PAK1: variants seen among roughly 807,000 people sequenced by gnomAD.
PAK1 encodes the protein p21 (RAC1) activated kinase 1.
In PAK1, 29 loss-of-function variants were observed where a neutral mutation model predicts 67.4. That is an observed-to-expected ratio of 0.43 (90% confidence interval 0.32 to 0.59). The LOEUF is 0.59. Ranked by LOEUF, PAK1 falls within the 20% of genes least tolerant of loss-of-function variation. The pLI is 0.07. For synonymous variants in PAK1, 223 were observed against 237.4 expected (o/e 0.94, Z 0.56); for missense variants, 337 against 670.7 (o/e 0.50, Z 5.50).
chr11:77,377,600 G>A (rs1350597626), intron 4 of PAK1, among the ~76,000 whole-genome samples: 1 of 152,144 alleles, frequency 6.6e-6, no homozygotes, highest in Non-Finnish European at 1.5e-5. Flanking sequence ...GAATACCTGA[G>A]TGGACTTTAT....
chr11:77,371,421 T>G lies in PAK1; in HGVS notation c.477+2907A>C, dbSNP rs556373912. On this transcript the variant is annotated intron_variant, in intron 5 of 14. Transcript: ENST00000356341. ...TTTTTTTTCTCAAGGATTAAGACAG[T>G]GCACGTTCATTTTTGTGTCACTTGT... 2.6e-5 allele frequency among the ~76,000 whole-genome samples: 4 copies of G among 152,274 alleles called. No homozygotes were observed. In the South Asian group the frequency reaches 8.3e-4, roughly 32 times the overall value.
rs565989823 is a variant in PAK1 at position 77,364,133 on chromosome 11, G to C, written c.478-5116C>G. 1.8e-4 allele frequency among the ~76,000 whole-genome samples: 28 copies of C among 152,332 alleles called. 1 individual carries two copies. Among genetic ancestry groups the C allele is most frequent in the African/African-American group, 6.7e-4 (28 of 41,568 alleles). On this transcript the variant is annotated intron_variant, in intron 5 of 14. Transcript: ENST00000356341. ...TAGGGCAAACTAATTTCTGGCTAAG[G>C]CTGTTCACAGGCACAGCAGACGCTA... is the stretch of plus-strand genomic sequence containing the variant.
At position 77,406,407 on chromosome 11, in the gene PAK1, A is replaced by G. The variant is rs1592318173; in HGVS notation, c.-21-13866T>C. On this transcript the variant is annotated intron_variant, in intron 1 of 14. Coordinates refer to ENST00000356341, the MANE Select transcript of PAK1 (RefSeq NM_002576.5). ...CCTCAATAAGTGATAAGCTTTGTAA[A>G]GGAGCAACGATATGCTTTTGTAAGT... is the stretch of plus-strand genomic sequence containing the variant. Among the ~76,000 whole-genome samples the G allele has an allele frequency of 3.3e-5, 5 of 152,342 alleles. 1 individual carries two copies. The East Asian group carries it at 9.6e-4, about 29-fold the overall frequency.
intron 1 of PAK1, among the ~76,000 whole-genome samples, chr11:77,454,724 G>A (rs752942407): frequency 6.6e-5 from 10 of 152,194 alleles, no homozygotes; most frequent in Non-Finnish European, 1.3e-4. Context: ...ACTTTGAGAA[G>A]CACTGTTCTC....
At chr11:77,409,670 T>TA (rs1397636825) in intron 1 of PAK1, among the ~76,000 whole-genome samples, 1,628 of 149,882 alleles carry the variant, frequency 0.011, 28 homozygotes, top group African/African-American at 0.037. Context: ...TTTTTTCAGG[T>TA]AAAAAAAAAG....
At chr11:77,423,402 TACACAC>T (rs5792767) in intron 1 of PAK1, among the ~76,000 whole-genome samples, 322 of 136,996 alleles carry the variant, frequency 2.4e-3, no homozygotes, top group South Asian at 0.016. Context: ...TGCTTTCAAA[TACACAC>T]ACACACACAC....
chr11:77,501,025 C>T, the PAK1 span, among the ~76,000 whole-genome samples: 1 of 151,944 alleles, frequency 6.6e-6, no homozygotes, highest in Non-Finnish European at 1.5e-5. Flanking sequence ...GTGGCAGGCG[C>T]CTGTAGTCCC....
In PAK1 at chr11:77,437,855, G is replaced by A. The variant is rs535602750; in HGVS notation, c.-22+35697C>T. 3.3e-5 allele frequency among the ~76,000 whole-genome samples: 5 copies of A among 152,218 alleles called. No individual in the cohort carries two copies. The South Asian group carries it at 8.3e-4, about 25-fold the overall frequency. On this transcript the variant is annotated intron_variant, in intron 1 of 14. Transcript: ENST00000356341. Reference sequence around the variant, plus strand: ...GTATAAATGTTTTCGATATCTCCAAGACTTAGAATGAGCAAGTAATCTACA... The same window carrying A: ...GTATAAATGTTTTCGATATCTCCAAAACTTAGAATGAGCAAGTAATCTACA...
intron 1 of PAK1, among the ~76,000 whole-genome samples, chr11:77,442,651 T>G (rs1275591377): frequency 1.3e-5 from 2 of 151,346 alleles, no homozygotes; most frequent in Non-Finnish European, 2.9e-5. Context: ...CCAGCCACTC[T>G]AAGATTCCTG....
upstream of PAK1, among the ~76,000 whole-genome samples, chr11:77,477,565 T>TACAAAAAAAAAA (rs1555176581): frequency 2.0e-4 from 2 of 10,074 alleles, no homozygotes; most frequent in Non-Finnish European, 2.8e-4. Context: ...ACACCATCTC[T>TACAAAAAAAAAA]ACAAAAAAAA....
the PAK1 span, among the ~76,000 whole-genome samples, chr11:77,524,964 C>T: frequency 2.0e-5 from 3 of 152,126 alleles, no homozygotes; most frequent in Non-Finnish European, 2.9e-5. Context: ...CCTGGACTTA[C>T]AAACAAATTA....
rs754816586 is a variant in PAK1, at chr11:77,337,412, A to G, written c.1128T>C (p.Ala376=). 41 of 1,600,440 alleles carry G rather than the reference A, an allele frequency of 2.6e-5. No individual in the cohort carries two copies. Among genetic ancestry groups the G allele is most frequent in the Admixed American group, 1.0e-4 (6 of 59,838 alleles). ...IAAVCRECLQ[A]LEFLHSNQVI... is the part of the protein sequence containing the mutation. ...CCTGGTTCGAATGCAAGAACTCCAGAGCCTGCAGACACTATTGAAGTGGTG... is the reference window on the plus strand; with the variant it reads ...CCTGGTTCGAATGCAAGAACTCCAGGGCCTGCAGACACTATTGAAGTGGTG... Residue 376 remains alanine (A), a synonymous_variant, in exon 12 of 15, where the codon GCT becomes GCC. Transcript: ENST00000356341.
chr11:77,446,511 CAAAAAAAAAAAAAA>C (rs56952838), intron 1 of PAK1, among the ~76,000 whole-genome samples: 1 of 60,680 alleles, frequency 1.6e-5, no homozygotes, highest in African/African-American at 5.7e-5. Flanking sequence ...GACCCTGTCT[CAAAAAAAAAAAAAA>C]AAAAAAAAAG....
chr11:77,441,548 T>C (rs908625639), intron 1 of PAK1, among the ~76,000 whole-genome samples: 2 of 152,238 alleles, frequency 1.3e-5, no homozygotes, highest in African/African-American at 4.8e-5. Context: ...CTCAGCCTCT[T>C]CTCACCTCCC....
At position 77,473,752 on chromosome 11, in the gene PAK1, A is replaced by C. The variant is rs1592609601; in HGVS notation, c.-222T>G. The C allele has an allele frequency of 9.8e-6, 1 of 101,832 alleles. No homozygotes were observed. Among genetic ancestry groups the C allele is most frequent in the Non-Finnish European group, 2.1e-5 (1 of 47,418 alleles). The allele number at this position is 101,832 out of a possible 1,614,324, so 6.3% of individuals were successfully genotyped here. On this transcript the variant is annotated 5_prime_UTR_variant, in exon 1 of 15. Coordinates refer to ENST00000356341, the MANE Select transcript of PAK1 (RefSeq NM_002576.5). ...AAGGGATGATGGGGGGGCGGGAGGG[A>C]GCGAGGCGACGCGGGCGGGGGGGGA...
At chr11:77,493,277 T>TTG in the PAK1 span, among the ~76,000 whole-genome samples, 5 of 145,598 alleles carry the variant, frequency 3.4e-5, no homozygotes, top group African/African-American at 1.0e-4. Flanking sequence ...TTTTTGTTGT[T>TTG]TTTTTTTTTT....
chr11:77,524,652 T>C, the PAK1 span, among the ~76,000 whole-genome samples: 143 of 152,218 alleles, frequency 9.4e-4, no homozygotes, highest in Non-Finnish European at 1.1e-3. Flanking sequence ...AAAATCCTGT[T>C]TATTCACAGT....
At chr11:77,353,648 C>G (rs1405401944) in intron 7 of PAK1, 49 bp from the exon 8 acceptor site, 2 of 1,455,786 alleles carry the variant, frequency 1.4e-6, no homozygotes, top group Non-Finnish European at 1.9e-6. Flanking sequence ...AATCAAGATA[C>G]AAAAAAGGTT....
intron 2 of PAK1, among the ~76,000 whole-genome samples, chr11:77,390,447 C>T (rs1351054457): frequency 2.6e-5 from 4 of 152,020 alleles, no homozygotes; most frequent in African/African-American, 7.2e-5. Flanking sequence ...GTGATCCACC[C>T]GCCTCAGCCT....
Sources: allele counts gnomAD v4.1 joint callset (sites outside exome capture counted in the v4.1 genomes callset), GRCh38; gene constraint gnomAD v4.1.1; transcripts MANE v1.5; gene names NCBI Gene and HGNC (gene_info 2026-07-23, HGNC 2026-07-21).